Variants in HIVEP3 observed in about 807,000 individuals in gnomAD.
HIVEP3 encodes HIVEP zinc finger 3, also known as transcription factor HIVEP3.
Under a neutral mutation model 152.8 loss-of-function variants are expected in HIVEP3, and 49 were observed. The ratio of observed to expected loss-of-function variants is 0.32; its 90% confidence interval spans 0.26 to 0.41. HIVEP3 has a LOEUF of 0.41. HIVEP3 is among the 10% of genes least tolerant of loss of function. The pLI is 1.00. For synonymous variants in HIVEP3, 1,269 were observed against 1,289.0 expected (o/e 0.98, Z 0.33); for missense variants, 2,790 against 3,103.3 (o/e 0.90, Z 2.40).
At chr1:42,035,853 T>TGGCGGGC (rs1179623593) in exon 1 of HIVEP3, 17 of 149,212 alleles carry the variant, frequency 1.1e-4, no homozygotes, top group South Asian at 3.7e-4. Context: ...GATGCCGGGG[T>TGGCGGGC]GGCGGGCGGC....
At chr1:41,643,802 G>T (rs74817332) in intron 2 of HIVEP3, among the ~76,000 whole-genome samples, 1 of 151,616 alleles carries the variant, frequency 6.6e-6, no homozygotes, top group African/African-American at 2.4e-5. Flanking sequence ...ACCTCTGGTC[G>T]CTCTGTACCA....
chr1:41,756,617 G>A (rs1348452097), intron 1 of HIVEP3, among the ~76,000 whole-genome samples: 5 of 152,140 alleles, frequency 3.3e-5, no homozygotes, highest in Non-Finnish European at 7.4e-5. Flanking sequence ...AATAGACTAG[G>A]ATAAATATAT....
chr1:41,994,693 C>T (rs1645385098), intron 1 of HIVEP3, among the ~76,000 whole-genome samples: 1 of 152,116 alleles, frequency 6.6e-6, no homozygotes, highest in South Asian at 2.1e-4. Context: ...TCACTTAAAC[C>T]TCTTTTCTTC....
At chr1:41,535,005 G>C (rs2810557) in intron 5 of HIVEP3, among the ~76,000 whole-genome samples, 151,096 of 152,238 alleles carry the variant, frequency 0.99, 74,991 homozygotes, top group Non-Finnish European at 1. Context: ...GGCAGAGCAC[G>C]GTCACATGGC....
At chr1:41,578,896 A>G (rs1644361140) in intron 4 of HIVEP3, among the ~76,000 whole-genome samples, 1 of 152,210 alleles carries the variant, frequency 6.6e-6, no homozygotes, top group East Asian at 1.9e-4. Flanking sequence ...CTGCTCAGTA[A>G]ACAAGACCAG....
intron 2 of HIVEP3, among the ~76,000 whole-genome samples, chr1:41,670,906 G>A (rs1200997443): frequency 2.6e-5 from 4 of 152,238 alleles, no homozygotes; most frequent in Non-Finnish European, 5.9e-5. Context: ...CCACACAGAG[G>A]CCTCCAACAG....
chr1:41,529,541 C>CT (rs144472421), intron 5 of HIVEP3, among the ~76,000 whole-genome samples: 1 of 85,528 alleles, frequency 1.2e-5, no homozygotes. Context: ...CTCACACACC[C>CT]GACTCTCCTC....
Position 41,584,850 on chromosome 1 carries a change from T to C in HIVEP3, c.-53A>G. ...TCAGGGAGAGTCAGGGCGGGCTGCA[T>C]TTATGAATAATCCCAGTGTCCCAAG... is the stretch of plus-strand genomic sequence containing the variant. On this transcript the variant is annotated 5_prime_UTR_variant, in exon 4 of 9. An upstream start codon of the reference 5' UTR is lost. Coordinates refer to ENST00000372583, the MANE Select transcript of HIVEP3 (RefSeq NM_024503.5). This position sits in a 1 kb window ranked among gnomAD's most constrained non-coding sequence, Gnocchi z 5.2. 1 of 1,415,924 alleles carries C rather than the reference T, an allele frequency of 7.1e-7. No individual in the cohort carries two copies. The highest frequency in any genetic ancestry group is 1.7e-5 in the South Asian group (1 of 57,768). 87.7% of individuals were successfully genotyped at this position (1,415,924 alleles called of 1,614,324 possible). A position where few individuals can be genotyped will look rare whatever the true frequency, so the allele number is the denominator to read the frequency against.
intron 1 of HIVEP3, among the ~76,000 whole-genome samples, chr1:41,955,505 C>A (rs927762648): frequency 1.7e-4 from 26 of 152,086 alleles, no homozygotes; most frequent in Admixed American, 2.6e-4. Context: ...CAAAAAAAAA[C>A]CCCTCATATT....
intron 1 of HIVEP3, among the ~76,000 whole-genome samples, chr1:41,894,388 G>C (rs1644496965): frequency 6.6e-6 from 1 of 152,076 alleles, no homozygotes; most frequent in African/African-American, 2.4e-5. Context: ...TCACTCACAG[G>C]GCTGCCTTAC....
At position 41,874,659 on chromosome 1, in the gene HIVEP3, C is replaced by T. The variant is rs149078014; in HGVS notation, c.-801+43754G>A. Among the ~76,000 whole-genome samples the T allele has an allele frequency of 2.4e-3, 358 of 152,286 alleles. 1 individual carries two copies. The highest frequency in any genetic ancestry group is 8.3e-3 in the African/African-American group (346 of 41,532). On this transcript the variant is annotated intron_variant, in intron 1 of 8. Coordinates refer to ENST00000372583, the MANE Select transcript of HIVEP3 (RefSeq NM_024503.5). ...GATTCTAGAAGATAAAGAGAGACTCCACGGTACAGAAAGTAAGCCCTCAAT... is the reference window on the plus strand; with the variant it reads ...GATTCTAGAAGATAAAGAGAGACTCTACGGTACAGAAAGTAAGCCCTCAAT...
intron 1 of HIVEP3, among the ~76,000 whole-genome samples, chr1:41,952,851 C>A (rs1194177584): frequency 6.6e-6 from 1 of 152,232 alleles, no homozygotes; most frequent in Non-Finnish European, 1.5e-5. Flanking sequence ...AAATGATGAT[C>A]ATCTTTTTTA....
chr1:41,870,732 T>G (rs1227280768), intron 1 of HIVEP3, among the ~76,000 whole-genome samples: 1 of 152,166 alleles, frequency 6.6e-6, no homozygotes, highest in Non-Finnish European at 1.5e-5. Context: ...GGAAGAAAGT[T>G]ACTCTCCCTG....
chr1:41,981,094 G>A (rs1232225843), intron 1 of HIVEP3, among the ~76,000 whole-genome samples: 1 of 152,128 alleles, frequency 6.6e-6, no homozygotes, highest in African/African-American at 2.4e-5. Context: ...GCAAGGTGTG[G>A]GTGAGCTCTG....
intron 3 of HIVEP3, among the ~76,000 whole-genome samples, chr1:41,603,193 A>T (rs1317450617): frequency 6.6e-6 from 1 of 151,930 alleles, no homozygotes; most frequent in Non-Finnish European, 1.5e-5. Context: ...CAGCCTCCTG[A>T]ATAGCTGGGA....
chr1:41,762,625 C>T (rs1647766139), intron 1 of HIVEP3, among the ~76,000 whole-genome samples: 1 of 152,196 alleles, frequency 6.6e-6, no homozygotes, highest in African/African-American at 2.4e-5. Context: ...AAATGCAAGC[C>T]CCACACAAAG....
intron 2 of HIVEP3, among the ~76,000 whole-genome samples, chr1:41,642,545 G>A (rs184003364): frequency 4.8e-4 from 73 of 152,222 alleles, no homozygotes; most frequent in African/African-American, 1.6e-3. Context: ...TCTCTTTGTC[G>A]TGGTGTTTAC....
At chr1:41,724,721 C>T (rs1315849311) in intron 1 of HIVEP3, among the ~76,000 whole-genome samples, 1 of 152,224 alleles carries the variant, frequency 6.6e-6, no homozygotes, top group African/African-American at 2.4e-5. Context: ...CCTCCCCAGC[C>T]ATCACACACA....
intron 1 of HIVEP3, among the ~76,000 whole-genome samples, chr1:41,944,914 T>C (rs1273670273): frequency 6.6e-6 from 1 of 152,122 alleles, no homozygotes; most frequent in Non-Finnish European, 1.5e-5. Context: ...AATTTGACCC[T>C]CAGACGCTAA....
Sources: allele counts gnomAD v4.1 joint callset (sites outside exome capture counted in the v4.1 genomes callset), GRCh38; gene constraint gnomAD v4.1.1; non-coding constraint Gnocchi (gnomAD v3.1); transcripts MANE v1.5; gene names NCBI Gene and HGNC (gene_info 2026-07-23, HGNC 2026-07-21).